Variants in ABI1 observed in about 807,000 individuals in gnomAD.
ABI1 encodes Abelson interactor 1.
In ABI1, 14 loss-of-function variants were observed where a neutral mutation model predicts 54.6. The observed-to-expected ratio is 0.26, with a 90% CI of 0.17 to 0.40. The LOEUF (loss-of-function observed/expected upper bound fraction) is 0.40. Ranked by LOEUF, ABI1 falls within the 10% of genes least tolerant of loss-of-function variation. The pLI, the probability that ABI1 is intolerant of heterozygous loss-of-function variation, is 1.00. For missense variants in ABI1, 443 were observed against 598.3 expected (o/e 0.74, Z 2.71); for synonymous variants, 194 against 209.3 (o/e 0.93, Z 0.63).
intron 1 of ABI1, among the ~76,000 whole-genome samples, chr10:26,831,704 A>G (rs1040152327): frequency 1.4e-5 from 2 of 145,728 alleles, no homozygotes; most frequent in Admixed American, 1.4e-4. Context: ...CAAAACATAG[A>G]AATTATTTTT....
intron 10 of ABI1, 39 bp downstream of exon 10, chr10:26,751,559 G>C (rs779298350): frequency 6.3e-7 from 1 of 1,578,500 alleles, no homozygotes; most frequent in Non-Finnish European, 8.6e-7. Context: ...CTACAATTAG[G>C]TTATTTTCCT....
intron 2 of ABI1, among the ~76,000 whole-genome samples, chr10:26,819,523 TTAGA>T (rs1243616589): frequency 7.9e-5 from 12 of 152,176 alleles, no homozygotes; most frequent in African/African-American, 2.4e-4. Context: ...GATAAAACAA[TTAGA>T]TAGAATCAGT....
At chr10:26,831,529 C>T (rs984931057) in intron 1 of ABI1, among the ~76,000 whole-genome samples, 3 of 152,022 alleles carry the variant, frequency 2.0e-5, no homozygotes, top group Non-Finnish European at 2.9e-5. Flanking sequence ...GGCGACAAAG[C>T]GAGACTCTGT....
Position 26,860,163 on chromosome 10 carries a change from T to C in ABI1, c.117+584A>G, listed in dbSNP as rs566555434. 6.6e-6 allele frequency among the ~76,000 whole-genome samples: 1 copy of C among 152,242 alleles called. No individual in the cohort carries two copies. Among genetic ancestry groups the C allele is most frequent in the South Asian group, 2.1e-4 (1 of 4,828 alleles). On this transcript the variant is annotated intron_variant, in intron 1 of 10. Transcript: ENST00000376140. This position sits in a 1 kb window ranked among gnomAD's most constrained non-coding sequence, Gnocchi z 4.1. ...TGTAATGTGACTCATGACAAATTTTTTTTAAATAAATAAATAAATAAAAGA... is the reference window on the plus strand; with the variant it reads ...TGTAATGTGACTCATGACAAATTTTCTTTAAATAAATAAATAAATAAAAGA...
rs2049875789 is a variant in ABI1, at chr10:26,845,145, TTAAAAAAAAAAAA to T, written c.117+15589_117+15601del. 2.3e-5 allele frequency among the ~76,000 whole-genome samples: 3 copies of T among 131,436 alleles called. No individual in the cohort carries two copies. In the South Asian group the frequency reaches 8.8e-4, roughly 39 times the overall value. The allele number at this position is 131,436 out of a possible 152,430, so 86.2% of individuals were successfully genotyped here. On this transcript the variant is annotated intron_variant, in intron 1 of 10. Coordinates refer to ENST00000376140, the MANE Select transcript of ABI1 (RefSeq NM_001012750.3). ...TATAGGAACATATTACCTAAATGCTTTAAAAAAAAAAAAAGCTGCTTGACATATTCTCTTTCCA... is the reference window on the plus strand; with the variant it reads ...TATAGGAACATATTACCTAAATGCTTAGCTGCTTGACATATTCTCTTTCCA...
intron 9 of ABI1, among the ~76,000 whole-genome samples, chr10:26,754,567 A>G (rs939132312): frequency 2.0e-5 from 3 of 152,172 alleles, no homozygotes; most frequent in African/African-American, 7.2e-5. Flanking sequence ...CATCGGGTAC[A>G]CAAATATTTG....
At chr10:26,777,331 A>T in intron 2 of ABI1, 90 bp from the exon 3 acceptor site, 11 of 882,060 alleles carry the variant, frequency 1.2e-5, no homozygotes, top group Non-Finnish European at 1.9e-5. Context: ...AGGACAGACC[A>T]CAGGGCTGTA....
At chr10:26,853,179 G>C (rs1159029666) in intron 1 of ABI1, among the ~76,000 whole-genome samples, 9 of 137,950 alleles carry the variant, frequency 6.5e-5, no homozygotes, top group Non-Finnish European at 7.7e-5. Flanking sequence ...AGCTTGCAGT[G>C]AGCCGAGATC....
At chr10:26,804,854 T>G (rs1290701663) in intron 2 of ABI1, among the ~76,000 whole-genome samples, 2 of 152,200 alleles carry the variant, frequency 1.3e-5, no homozygotes, top group African/African-American at 4.8e-5. Flanking sequence ...TAAATGCCAG[T>G]TACTATGTAA....
At position 26,765,325 on chromosome 10, in the gene ABI1, A is replaced by G. The variant is rs200581000; in HGVS notation, c.720-7T>C. ...ACTTCCTCCACTACTTCCACTGAAA[A>G]GAAAAAAAAAAACTGTGAAAAACCA... On this transcript the variant is annotated splice_region_variant and splice_polypyrimidine_tract_variant and intron_variant, in intron 6 of 10. Coordinates refer to ENST00000376140, the MANE Select transcript of ABI1 (RefSeq NM_001012750.3). 1.3e-6 allele frequency: 2 copies of G among 1,569,018 alleles called. No homozygotes were observed. Among genetic ancestry groups the G allele is most frequent in the Middle Eastern group, 1.7e-4 (1 of 5,972 alleles).
At chr10:26,800,820 A>C (rs1019104529) in intron 2 of ABI1, among the ~76,000 whole-genome samples, 1 of 152,210 alleles carries the variant, frequency 6.6e-6, no homozygotes, top group Non-Finnish European at 1.5e-5. Context: ...CAGCCTTACC[A>C]ACATGGAGAA....
chr10:26,842,785 G>A (rs1024212383), intron 1 of ABI1, among the ~76,000 whole-genome samples: 1 of 152,112 alleles, frequency 6.6e-6, no homozygotes, highest in East Asian at 1.9e-4. Flanking sequence ...AGTGGCTCAC[G>A]CCTGTAATCC....
chr10:26,768,961 C>T lies in ABI1; in HGVS notation c.610G>A (p.Val204Ile), dbSNP rs1353071222. Residue 204 changes from valine to isoleucine, a missense_variant, in exon 6 of 11, where the codon GTT becomes ATT. By Grantham distance (29) the Val-to-Ile change is conservative. Coordinates refer to ENST00000376140, the MANE Select transcript of ABI1 (RefSeq NM_001012750.3). ...RNTPYKTLEP[V>I]KPPTVPNDYM... The stretch of plus-strand genomic sequence containing the variant: ...TCATTAGGAACTGTTGGGGGTTTAA[C>T]AGGTTCCAGGGTTTTATAAGGAGTA... The T allele has an allele frequency of 6.2e-7, 1 of 1,612,380 alleles. No individual in the cohort carries two copies. Among genetic ancestry groups the T allele is most frequent in the Non-Finnish European group, 8.5e-7 (1 of 1,178,990 alleles).
At chr10:26,840,680 T>A (rs940121065) in intron 1 of ABI1, among the ~76,000 whole-genome samples, 20 of 152,190 alleles carry the variant, frequency 1.3e-4, no homozygotes, top group Non-Finnish European at 4.4e-5. Context: ...TCAATTGAAT[T>A]TTCTATGCTA....
intron 1 of ABI1, among the ~76,000 whole-genome samples, chr10:26,854,908 G>T (rs1298936824): frequency 5.3e-5 from 8 of 152,040 alleles, no homozygotes; most frequent in Non-Finnish European, 8.8e-5. Flanking sequence ...TGCAGGAAAA[G>T]AAAAAAGGAT....
At chr10:26,818,533 C>T (rs1001438449) in intron 2 of ABI1, among the ~76,000 whole-genome samples, 6 of 146,290 alleles carry the variant, frequency 4.1e-5, no homozygotes, top group Non-Finnish European at 8.9e-5. Flanking sequence ...TCACTTGAAA[C>T]TGGGAAGGTG....
intron 2 of ABI1, among the ~76,000 whole-genome samples, chr10:26,801,288 C>A (rs1443676312): frequency 6.6e-6 from 1 of 152,054 alleles, no homozygotes; most frequent in Non-Finnish European, 1.5e-5. Flanking sequence ...TGGCTCATAC[C>A]TATAATCCCA....
At chr10:26,769,083 G>A (rs1350416838) in intron 5 of ABI1, 91 bp from the exon 6 acceptor site, 4 of 952,678 alleles carry the variant, frequency 4.2e-6, no homozygotes, top group Non-Finnish European at 5.9e-6. Flanking sequence ...TTGTGACCAT[G>A]TATACCAGGA....
At chr10:26,855,916 A>AGCT (rs922418694) in intron 1 of ABI1, among the ~76,000 whole-genome samples, 4 of 146,550 alleles carry the variant, frequency 2.7e-5, no homozygotes, top group Admixed American at 7.1e-5. Flanking sequence ...GATTGCAGTG[A>AGCT]GCTGAGATCG....
Sources: allele counts gnomAD v4.1 joint callset (sites outside exome capture counted in the v4.1 genomes callset), GRCh38; gene constraint gnomAD v4.1.1; non-coding constraint Gnocchi (gnomAD v3.1); transcripts MANE v1.5; gene names NCBI Gene and HGNC (gene_info 2026-07-23, HGNC 2026-07-21).